The following PLD5 variants were observed in gnomAD, a reference collection of about 807,000 sequenced individuals.
PLD5 encodes inactive phospholipase D5.
Under a neutral mutation model 61.1 loss-of-function variants are expected in PLD5, and 36 were observed. The ratio of observed to expected loss-of-function variants is 0.59; its 90% CI spans 0.45 to 0.78. PLD5 has a LOEUF of 0.78. PLD5 is among the 30% of genes least tolerant of loss of function. The pLI is 0.00. For missense variants in PLD5, 515 were observed against 644.4 expected (o/e 0.80, Z 2.17); for synonymous variants, 243 against 242.8 (o/e 1.00, Z -0.01).
chr1:242,297,880 C>T (rs1053539724), intron 2 of PLD5, among the ~76,000 whole-genome samples: 1 of 151,438 alleles, frequency 6.6e-6, no homozygotes, highest in Non-Finnish European at 1.5e-5. Context: ...ACCTCATGAT[C>T]CACCCGCCTC....
intron 6 of PLD5, among the ~76,000 whole-genome samples, chr1:242,122,500 C>T (rs1225803788): frequency 2.0e-5 from 3 of 152,062 alleles, no homozygotes; most frequent in African/African-American, 7.2e-5. Flanking sequence ...ACCCTGTGGC[C>T]CTCTGGATTA....
At chr1:242,175,966 C>T (rs1270551558) in intron 5 of PLD5, among the ~76,000 whole-genome samples, 4 of 152,150 alleles carry the variant, frequency 2.6e-5, no homozygotes, top group Non-Finnish European at 5.9e-5. Flanking sequence ...ACATCCCATG[C>T]TCATGGATGG....
chr1:242,286,095 C>T (rs1037599168), intron 3 of PLD5, among the ~76,000 whole-genome samples: 5 of 151,864 alleles, frequency 3.3e-5, no homozygotes, highest in African/African-American at 9.7e-5. Flanking sequence ...GGCAACACAG[C>T]GAGTCTCTGT....
chr1:242,114,723 G>T (rs867789214), intron 6 of PLD5, among the ~76,000 whole-genome samples: 12 of 152,110 alleles, frequency 7.9e-5, no homozygotes, highest in Non-Finnish European at 4.4e-5. Context: ...TTGTGTGATC[G>T]CCTTATGAGA....
At chr1:242,487,329 A>G (rs1474069321) in intron 1 of PLD5, among the ~76,000 whole-genome samples, 1 of 152,184 alleles carries the variant, frequency 6.6e-6, no homozygotes, top group Non-Finnish European at 1.5e-5. Flanking sequence ...AAATAAAACT[A>G]CCAAAAAACA....
intron 1 of PLD5, among the ~76,000 whole-genome samples, chr1:242,505,947 C>A (rs902940024): frequency 1.3e-5 from 2 of 152,164 alleles, no homozygotes; most frequent in African/African-American, 4.8e-5. Context: ...GAATAAAAAC[C>A]AGTAAGTGAA....
chr1:242,305,727 AAT>A (rs1403921926), intron 2 of PLD5, among the ~76,000 whole-genome samples: 1 of 152,036 alleles, frequency 6.6e-6, no homozygotes, highest in Non-Finnish European at 1.5e-5. Context: ...ATGCCCAGCT[AAT>A]ATTTGTATTT....
chr1:242,211,529 CATTG>C (rs759111000), intron 5 of PLD5, among the ~76,000 whole-genome samples: 3 of 152,172 alleles, frequency 2.0e-5, no homozygotes, highest in Non-Finnish European at 4.4e-5. Context: ...TAAATACAAG[CATTG>C]CCAGCTTGGA....
chr1:242,384,875 C>CA (rs1453642386), intron 1 of PLD5, among the ~76,000 whole-genome samples: 3 of 152,180 alleles, frequency 2.0e-5, no homozygotes, highest in Admixed American at 6.5e-5. Context: ...ACAACACATG[C>CA]AAAAAATTGT....
chr1:242,394,995 ATG>A (rs1275796802), intron 1 of PLD5, among the ~76,000 whole-genome samples: 1 of 127,120 alleles, frequency 7.9e-6, no homozygotes, highest in African/African-American at 3.0e-5. Flanking sequence ...ATGAATATAT[ATG>A]TATATATGAA....
rs1273687593 is a variant in PLD5, at chr1:242,524,068, C to T, written c.189+20G>A. The T allele has an allele frequency of 7.2e-6, 11 of 1,528,174 alleles. No individual in the cohort carries two copies. The highest frequency in any genetic ancestry group is 2.0e-5 in the Admixed American group (1 of 50,580). 94.7% of individuals were successfully genotyped at this position (1,528,174 alleles called of 1,614,324 possible). A position where few individuals can be genotyped will look rare whatever the true frequency, so the allele number is the denominator to read the frequency against. On this transcript the variant is annotated intron_variant, in intron 1 of 9. Coordinates refer to ENST00000536534, the MANE Select transcript of PLD5 (RefSeq NM_001372062.1). ...GCGGCAGGTGCCTGGCCGAGGCCCCCGGGAGCGAGTCGCCCTTACGTGCTC... is the reference window on the plus strand; with the variant it reads ...GCGGCAGGTGCCTGGCCGAGGCCCCTGGGAGCGAGTCGCCCTTACGTGCTC...
intron 1 of PLD5, among the ~76,000 whole-genome samples, chr1:242,375,380 T>C (rs896485953): frequency 6.6e-6 from 1 of 152,204 alleles, no homozygotes; most frequent in Non-Finnish European, 1.5e-5. Context: ...CTGCTGGCTC[T>C]GCAAGGGCAT....
intron 5 of PLD5, among the ~76,000 whole-genome samples, chr1:242,206,776 C>T (rs1669341877): frequency 6.6e-6 from 1 of 152,052 alleles, no homozygotes; most frequent in Admixed American, 6.6e-5. Flanking sequence ...GGTTGGCATT[C>T]CTGCCTCAGG....
At chr1:242,517,538 T>C (rs531729036) in intron 1 of PLD5, among the ~76,000 whole-genome samples, 2 of 152,354 alleles carry the variant, frequency 1.3e-5, no homozygotes, top group South Asian at 2.1e-4. Flanking sequence ...AAAATGAATT[T>C]TGTTATGATA....
Position 242,220,110 on chromosome 1 carries a change from C to A in PLD5, c.613G>T (p.Glu205Ter), listed in dbSNP as rs548680899. Reference sequence around the variant, plus strand: ...GCGGTCATGTTCATGTACGTCACCTCGGCTCCTAGGAGTTCAAGGACAGTC... The same window carrying A: ...GCGGTCATGTTCATGTACGTCACCTAGGCTCCTAGGAGTTCAAGGACAGTC... ...VLEALKLKGAEVTYMNMTAYN... is the reference protein window; with the variant it reads ...VLEALKLKGA The change falls in exon 5 of 10, where the codon GAG (glutamate) becomes TAG (stop). Residue 205 changes from glutamate (E) to a stop codon, truncating the protein, a stop_gained. Coordinates refer to ENST00000536534, the MANE Select transcript of PLD5 (RefSeq NM_001372062.1). LOFTEE classifies it high-confidence loss of function. The A allele has an allele frequency of 6.2e-7, 1 of 1,614,086 alleles. No individual in the cohort carries two copies. Among genetic ancestry groups the A allele is most frequent in the Non-Finnish European group, 8.5e-7 (1 of 1,180,002 alleles).
rs546683869 is a variant in PLD5 at position 242,361,685 on chromosome 1, A to G, written c.190-13443T>C. ...TCTTGGTCAAGAAATAAATATTAAA[A>G]CATGTTAACATTCAAAATATTTGAA... On this transcript the variant is annotated intron_variant, in intron 1 of 9. Coordinates refer to ENST00000536534, the MANE Select transcript of PLD5 (RefSeq NM_001372062.1). 3.9e-5 allele frequency among the ~76,000 whole-genome samples: 6 copies of G among 152,354 alleles called. No individual in the cohort carries two copies. In the South Asian group the frequency reaches 1.2e-3, roughly 32 times the overall value.
chr1:242,492,639 T>G (rs934626298), intron 1 of PLD5, among the ~76,000 whole-genome samples: 3 of 152,146 alleles, frequency 2.0e-5, no homozygotes, highest in African/African-American at 7.2e-5. Flanking sequence ...CATGGTTTAC[T>G]ATGTGTCTTA....
intron 4 of PLD5, among the ~76,000 whole-genome samples, chr1:242,232,745 AG>A (rs2149040303): frequency 1.3e-5 from 2 of 152,268 alleles, no homozygotes; most frequent in African/African-American, 4.8e-5. Context: ...CAGGAAGCTG[AG>A]GTAGGAGACT....
At chr1:242,205,276 A>C (rs1162681207) in intron 5 of PLD5, among the ~76,000 whole-genome samples, 1 of 152,236 alleles carries the variant, frequency 6.6e-6, no homozygotes. Context: ...TTATTTCTTC[A>C]AGTAATTATA....
Sources: gnomAD v4.1 joint callset for allele counts (sites outside exome capture counted in the v4.1 genomes callset) on GRCh38, gnomAD v4.1.1 for gene constraint, MANE v1.5 for transcripts, NCBI Gene and HGNC (gene_info 2026-07-23, HGNC 2026-07-21) for gene names.